The following NUAK1 variants were observed in gnomAD, a reference collection of about 807,000 sequenced individuals.
NUAK1 encodes NUAK family SNF1-like kinase 1.
NUAK1 carries 26 observed loss-of-function variants against 56.9 expected under a neutral mutation model. That is an observed-to-expected ratio of 0.46 (90% CI 0.33 to 0.63). The LOEUF (loss-of-function observed/expected upper bound fraction) is 0.63, where lower values mean the gene tolerates loss of function less well. Ranked by LOEUF, NUAK1 falls within the 30% of genes least tolerant of loss-of-function variation. The probability of loss-of-function intolerance (pLI) is 0.02; values close to 1 mark genes in which losing one functional copy is unlikely to be tolerated. For synonymous variants in NUAK1, 337 were observed against 336.0 expected (o/e 1.00, Z -0.03); for missense variants, 727 against 876.1 (o/e 0.83, Z 2.15).
intron 1 of NUAK1, among the ~76,000 whole-genome samples, chr12:106,116,056 C>T (rs993890312): frequency 6.6e-6 from 1 of 152,238 alleles, no homozygotes; most frequent in Non-Finnish European, 1.5e-5. Context: ...CTTTTATAAC[C>T]TCGCTCACCA....
intron 6 of NUAK1, among the ~76,000 whole-genome samples, chr12:106,069,553 A>AT (rs1592847314): frequency 6.6e-6 from 1 of 152,190 alleles, no homozygotes; most frequent in East Asian, 1.9e-4. Context: ...GTTGAGTTTG[A>AT]TGTTAATGAA....
In NUAK1 at chr12:106,137,318, A is replaced by C. The variant is rs899513217; in HGVS notation, c.240+1096T>G. On this transcript the variant is annotated intron_variant, in intron 1 of 6. Coordinates refer to ENST00000261402, the MANE Select transcript of NUAK1 (RefSeq NM_014840.3). The stretch of plus-strand genomic sequence containing the variant: ...CTGCAGTCATTTGTTGTTTATAAGC[A>C]AACCTGAGCCTCCAAAACACCCCCA... Among the ~76,000 whole-genome samples, 9 of 152,200 alleles carry C rather than the reference A, an allele frequency of 5.9e-5. No individual in the cohort carries two copies. In the South Asian group the frequency reaches 8.3e-4, roughly 14 times the overall value.
At chr12:106,133,690 T>A (rs2033103286) in intron 1 of NUAK1, among the ~76,000 whole-genome samples, 1 of 152,188 alleles carries the variant, frequency 6.6e-6, no homozygotes, top group Non-Finnish European at 1.5e-5. Context: ...CTCTCAAAAA[T>A]ATCAGCTGGT....
chr12:106,080,874 G>A (rs2032510992), intron 4 of NUAK1, among the ~76,000 whole-genome samples: 1 of 151,776 alleles, frequency 6.6e-6, no homozygotes. Flanking sequence ...TCCAGACACG[G>A]ATGGCAGGGG....
rs778838182 is a variant in NUAK1, at chr12:106,112,024, C to T, written c.241-5499G>A. On this transcript the variant is annotated intron_variant, in intron 1 of 6. Transcript: ENST00000261402. ...AGGGAACAGAATCTCCTGTAGGATC[C>T]GAAAGGGTCCCTAAAGCCTAGTGAG... Among the ~76,000 whole-genome samples the T allele has an allele frequency of 1.2e-4, 18 of 151,212 alleles. No homozygotes were observed. The East Asian group carries it at 3.3e-3, about 28-fold the overall frequency.
intron 2 of NUAK1, among the ~76,000 whole-genome samples, chr12:106,101,777 AG>A (rs2032751225): frequency 6.6e-6 from 1 of 152,166 alleles, no homozygotes; most frequent in African/African-American, 2.4e-5. Flanking sequence ...CCCACCTCAC[AG>A]GTTTGCTGTG....
intron 1 of NUAK1, among the ~76,000 whole-genome samples, chr12:106,125,881 T>G (rs1018881066): frequency 1.2e-4 from 18 of 148,806 alleles, no homozygotes; most frequent in African/African-American, 4.1e-4. Flanking sequence ...GGCTGGGCTT[T>G]GAGCTCACCA....
intron 1 of NUAK1, among the ~76,000 whole-genome samples, chr12:106,122,669 T>C (rs2136480405): frequency 6.6e-6 from 1 of 152,312 alleles, no homozygotes; most frequent in South Asian, 2.1e-4. Flanking sequence ...AGCAACTAGC[T>C]TCCCATTGTC....
In NUAK1 at chr12:106,067,605, T is replaced by C. The variant is rs1477449937; in HGVS notation, c.1183A>G (p.Lys395Glu). Residue 395 changes from lysine to glutamate, a missense_variant, in exon 7 of 7, where the codon AAG becomes GAG. Transcript: ENST00000261402. The surrounding 1 kb of genome is among the most constrained non-coding windows in gnomAD (Gnocchi z 6.0). ...VPESPSKLSS[K>E]RPKGILKKRS... is the part of the protein sequence containing the mutation. Reference sequence around the variant, plus strand: ...TTCTTCAGGATCCCCTTGGGCCTCTTAGAACTCAACTTGGATGGGCTTTCA... The same window carrying C: ...TTCTTCAGGATCCCCTTGGGCCTCTCAGAACTCAACTTGGATGGGCTTTCA... 1.2e-6 allele frequency: 2 copies of C among 1,614,222 alleles called. No individual in the cohort carries two copies. The highest frequency in any genetic ancestry group is 2.2e-5 in the South Asian group (2 of 91,086).
chr12:106,072,687 C>T, intron 5 of NUAK1, 37 bp downstream of exon 5: 2 of 1,583,626 alleles, frequency 1.3e-6, no homozygotes, highest in Non-Finnish European at 1.7e-6. Flanking sequence ...TTCTCCCTCC[C>T]CTCCCCTGCC....
At chr12:106,131,166 C>T (rs1292897516) in intron 1 of NUAK1, among the ~76,000 whole-genome samples, 1 of 152,172 alleles carries the variant, frequency 6.6e-6, no homozygotes, top group Non-Finnish European at 1.5e-5. Flanking sequence ...CCTGAGCCCC[C>T]CCCTTTTTAA....
At chr12:106,099,834 A>T (rs2032730407) in intron 2 of NUAK1, among the ~76,000 whole-genome samples, 1 of 151,714 alleles carries the variant, frequency 6.6e-6, no homozygotes, top group Non-Finnish European at 1.5e-5. Flanking sequence ...TCTGTCACCC[A>T]GGCTGGAGTG....
chr12:106,069,897 C>G (rs1482100882), intron 6 of NUAK1, among the ~76,000 whole-genome samples: 1 of 152,120 alleles, frequency 6.6e-6, no homozygotes, highest in Non-Finnish European at 1.5e-5. Flanking sequence ...TACACACTCT[C>G]TATACAGGCA....
At chr12:106,092,867 T>C (rs946619520) in intron 2 of NUAK1, among the ~76,000 whole-genome samples, 8 of 152,196 alleles carry the variant, frequency 5.3e-5, no homozygotes, top group Non-Finnish European at 1.2e-4. Flanking sequence ...CAGTTCTGCT[T>C]TTTGCATTAC....
At chr12:106,106,142 T>C (rs372083626) in intron 2 of NUAK1, 1 of 297,104 alleles carries the variant, frequency 3.4e-6, no homozygotes. Context: ...TTCAATAAGG[T>C]GGGTTGCTTA....
rs141729712 is a variant in NUAK1, at chr12:106,087,302, G to A, written c.362-417C>T. ...GACAGAGCTACTCTGACCCCAAAATGGGTGCTCAATCTTGTCATCTCTTTA... is the reference window on the plus strand; with the variant it reads ...GACAGAGCTACTCTGACCCCAAAATAGGTGCTCAATCTTGTCATCTCTTTA... On this transcript the variant is annotated intron_variant, in intron 2 of 6. Transcript: ENST00000261402. Among the ~76,000 whole-genome samples the A allele has an allele frequency of 2.3e-3, 357 of 152,276 alleles. 3 individuals are homozygous for A. Among genetic ancestry groups the A allele is most frequent in the Admixed American group, 0.011 (171 of 15,294 alleles).
At chr12:106,109,570 A>G (rs1031316854) in intron 1 of NUAK1, among the ~76,000 whole-genome samples, 8 of 152,172 alleles carry the variant, frequency 5.3e-5, no homozygotes, top group East Asian at 1.9e-4. Flanking sequence ...AAAAAAAAAA[A>G]AAAAGAAAAT....
chr12:106,113,174 G>A (rs2032881857), intron 1 of NUAK1, among the ~76,000 whole-genome samples: 1 of 152,056 alleles, frequency 6.6e-6, no homozygotes, highest in African/African-American at 2.4e-5. Flanking sequence ...GTCATTGCAA[G>A]TGGTGATGCC....
intron 1 of NUAK1, among the ~76,000 whole-genome samples, chr12:106,122,333 T>A (rs1327243583): frequency 6.6e-6 from 1 of 152,146 alleles, no homozygotes; most frequent in Non-Finnish European, 1.5e-5. Flanking sequence ...TCACAGCAGT[T>A]CAGGATTTTC....
Sources: allele counts gnomAD v4.1 joint callset (sites outside exome capture counted in the v4.1 genomes callset), GRCh38; gene constraint gnomAD v4.1.1; non-coding constraint Gnocchi (gnomAD v3.1); transcripts MANE v1.5; gene names NCBI Gene and HGNC (gene_info 2026-07-23, HGNC 2026-07-21).